WDR33: variants seen among roughly 807,000 people sequenced by gnomAD.
WDR33 encodes WD repeat domain 33, also known as pre-mRNA 3' end processing protein WDR33.
A neutral mutation model predicts 164.9 loss-of-function variants in WDR33; 47 were observed. The ratio of observed to expected loss-of-function variants is 0.29; its 90% confidence interval spans 0.23 to 0.36. The LOEUF (loss-of-function observed/expected upper bound fraction) is 0.36, where lower values mean the gene tolerates loss of function less well. Ranked by LOEUF, WDR33 falls within the 10% of genes least tolerant of loss-of-function variation. The probability of loss-of-function intolerance (pLI) is 1.00; values close to 1 mark genes in which losing one functional copy is unlikely to be tolerated. For missense variants in WDR33, 1,137 were observed against 1,754.1 expected (o/e 0.65, Z 6.28); for synonymous variants, 505 against 589.0 (o/e 0.86, Z 2.06).
At chr2:127,711,979 G>A (rs1481586854) in intron 18 of WDR33, among the ~76,000 whole-genome samples, 16 of 149,552 alleles carry the variant, frequency 1.1e-4, no homozygotes, top group Admixed American at 2.0e-4. Flanking sequence ...TCACCATGTT[G>A]GCCAGGCTGG....
intron 1 of WDR33, among the ~76,000 whole-genome samples, chr2:127,808,886 C>T (rs1374210872): frequency 2.0e-5 from 3 of 151,922 alleles, no homozygotes; most frequent in African/African-American, 7.3e-5. Flanking sequence ...AAAAATTAGC[C>T]GGACGCGGTG....
intron 1 of WDR33, among the ~76,000 whole-genome samples, chr2:127,799,426 T>C (rs1201505840): frequency 6.6e-6 from 1 of 152,114 alleles, no homozygotes; most frequent in African/African-American, 2.4e-5. Flanking sequence ...CACGAAGAAC[T>C]CTTAAAACTC....
At chr2:127,759,015 T>C (rs1388878985) in intron 7 of WDR33, among the ~76,000 whole-genome samples, 1 of 152,216 alleles carries the variant, frequency 6.6e-6, no homozygotes, top group Non-Finnish European at 1.5e-5. Flanking sequence ...TTCTCGTGTG[T>C]ACAATGTTAT....
intron 7 of WDR33, among the ~76,000 whole-genome samples, chr2:127,739,458 A>G (rs1395048781): frequency 6.6e-6 from 1 of 152,254 alleles, no homozygotes; most frequent in Non-Finnish European, 1.5e-5. Flanking sequence ...ATGTAATTCA[A>G]ATAGGTTCAG....
intron 7 of WDR33, 137 bp downstream of exon 7, chr2:127,762,925 T>C (rs1687720456): frequency 6.9e-7 from 1 of 1,441,304 alleles, no homozygotes; most frequent in Non-Finnish European, 9.1e-7. Context: ...GCTGGGTTTT[T>C]TTGAAGAGCC....
In WDR33 at chr2:127,709,449, C is replaced by T. The variant is rs781000228; in HGVS notation, c.3565+41G>A. The T allele has an allele frequency of 1.9e-6, 3 of 1,594,514 alleles. No individual in the cohort carries two copies. Among genetic ancestry groups the T allele is most frequent in the Non-Finnish European group, 2.6e-6 (3 of 1,163,026 alleles). On this transcript the variant is annotated intron_variant, in intron 20 of 21. Coordinates refer to ENST00000322313, the MANE Select transcript of WDR33 (RefSeq NM_018383.5). The surrounding 1 kb of genome is among the most constrained non-coding windows in gnomAD (Gnocchi z 5.0). ...GGGCCCTCAGAACTCACTTTGTGAACTGCAGTCTAGAGTTACCCAACAAGC... is the reference window on the plus strand; with the variant it reads ...GGGCCCTCAGAACTCACTTTGTGAATTGCAGTCTAGAGTTACCCAACAAGC...
intron 1 of WDR33, among the ~76,000 whole-genome samples, chr2:127,796,040 T>C (rs1177554955): frequency 6.6e-6 from 1 of 151,502 alleles, no homozygotes; most frequent in Non-Finnish European, 1.5e-5. Flanking sequence ...ATTAGGTAAA[T>C]AGAACAGGTA....
chr2:127,809,900 G>A (rs189735172), intron 1 of WDR33, among the ~76,000 whole-genome samples: 91 of 152,102 alleles, frequency 6.0e-4, no homozygotes, highest in African/African-American at 2.1e-3. Flanking sequence ...GACAAAAAAA[G>A]CAAAAGTATC....
intron 1 of WDR33, among the ~76,000 whole-genome samples, chr2:127,793,544 C>T (rs545734050): frequency 9.2e-5 from 14 of 151,660 alleles, no homozygotes; most frequent in Admixed American, 2.6e-4. Context: ...AGTTCAAGAC[C>T]ACCCTGAGCA....
chr2:127,754,583 ATTTTTTT>A (rs764744041), intron 7 of WDR33, among the ~76,000 whole-genome samples: 1 of 118,964 alleles, frequency 8.4e-6, no homozygotes, highest in Admixed American at 8.7e-5. Flanking sequence ...CATGTTTTTC[ATTTTTTT>A]TTTTTTTTTT....
At chr2:127,762,730 CCA>C in intron 7 of WDR33, 1 of 1,059,638 alleles carries the variant, frequency 9.4e-7, no homozygotes, top group South Asian at 3.2e-5. Flanking sequence ...CTAAATCAAA[CCA>C]CAGTGTCAAT....
rs1043042076 is a variant in WDR33, at chr2:127,736,046, T to C, written c.725-9269A>G. The C allele has an allele frequency of 4.1e-6, 4 of 985,316 alleles. No individual in the cohort carries two copies. The African/African-American group carries it at 7.0e-5, about 17-fold the overall frequency. 61.0% of individuals were successfully genotyped at this position (985,316 alleles called of 1,614,324 possible). On this transcript the variant is annotated intron_variant, in intron 7 of 21. Coordinates refer to ENST00000322313, the MANE Select transcript of WDR33 (RefSeq NM_018383.5). Reference sequence around the variant, plus strand: ...TGGGTGAAGGGGTCCGGCAGTCAGGTAAGTTGAGCAATGCTGAATTTTAAA... The same window carrying C: ...TGGGTGAAGGGGTCCGGCAGTCAGGCAAGTTGAGCAATGCTGAATTTTAAA...
chr2:127,807,450 A>T (rs192468636), intron 1 of WDR33, among the ~76,000 whole-genome samples: 120 of 152,334 alleles, frequency 7.9e-4, no homozygotes, highest in African/African-American at 2.7e-3. Context: ...ACAGTTTTGC[A>T]CGTATCATCC....
rs776348496 is a variant in WDR33, at chr2:127,720,238, T to C, written c.1787A>G (p.Gln596Arg). The change falls in exon 16 of 22, where the codon CAG becomes CGG. Residue 596 changes from glutamine to arginine, a missense_variant. Gln to Arg is a conservative substitution (Grantham distance 43). Around this residue, in one of 9 missense-constraint regions of WDR33, gnomAD observed 867 missense variants for 1,073.0 expected, o/e 0.81. Coordinates refer to ENST00000322313, the MANE Select transcript of WDR33 (RefSeq NM_018383.5). This position sits in a 1 kb window ranked among gnomAD's most constrained non-coding sequence, Gnocchi z 5.9. ...QPFPGQGPMS[Q>R]IPQGFQQPHP... ...GGGCTGTTGAAAACCTTGAGGAATC[T>C]GAGACATTGGACCTTGTCCTGGAAA... is the stretch of plus-strand genomic sequence containing the variant. 6.3e-7 allele frequency: 1 copy of C among 1,590,190 alleles called. No homozygotes were observed. The highest frequency in any genetic ancestry group is 1.8e-5 in the Admixed American group (1 of 56,822).
chr2:127,792,931 T>C (rs1200589057), intron 1 of WDR33, among the ~76,000 whole-genome samples: 1 of 152,064 alleles, frequency 6.6e-6, no homozygotes, highest in African/African-American at 2.4e-5. Flanking sequence ...AGGCCAGTGG[T>C]ATACTATAAA....
At chr2:127,805,556 A>G (rs76384756) in intron 1 of WDR33, among the ~76,000 whole-genome samples, 3 of 152,146 alleles carry the variant, frequency 2.0e-5, no homozygotes, top group African/African-American at 7.2e-5. Flanking sequence ...CGTTCTTTAA[A>G]AAGATGAGGC....
intron 7 of WDR33, among the ~76,000 whole-genome samples, chr2:127,730,716 T>G (rs2105390574): frequency 6.6e-6 from 1 of 152,302 alleles, no homozygotes; most frequent in Middle Eastern, 3.4e-3. Context: ...ATTTTGTACA[T>G]TTTATACTTG....
Position 127,701,969 on chromosome 2 carries a change from G to GCT in WDR33, c.*4352_*4353dup, listed in dbSNP as rs1468051980. The GCT allele has an allele frequency of 1.2e-5, 16 of 1,379,278 alleles. No individual in the cohort carries two copies. Among genetic ancestry groups the GCT allele is most frequent in the Non-Finnish European group, 1.4e-5 (15 of 1,072,028 alleles). The allele number at this position is 1,379,278 out of a possible 1,614,324, so 85.4% of individuals were successfully genotyped here. On this transcript the variant is annotated 3_prime_UTR_variant, in exon 22 of 22. Coordinates refer to ENST00000322313, the MANE Select transcript of WDR33 (RefSeq NM_018383.5). ...AAGAAGCGCCGTCCCGGCCCGCGCT[G>GCT]CTCTACATGGCAGCGCTGGGCGCCA...
At position 127,719,504 on chromosome 2, in the gene WDR33, G is replaced by C. The variant is rs1188167690; in HGVS notation, c.2521C>G (p.Pro841Ala). The C allele has an allele frequency of 2.5e-6, 4 of 1,612,650 alleles. No homozygotes were observed. In the South Asian group the frequency reaches 4.4e-5, roughly 18 times the overall value. The change falls in exon 16 of 22, where the codon CCC (proline) becomes GCC (alanine). Residue 841 changes from proline (P) to alanine (A), a missense_variant. Pro to Ala is a conservative substitution (Grantham distance 27, BLOSUM62 -1). Around this residue, in one of 9 missense-constraint regions of WDR33, gnomAD observed 867 missense variants for 1,073.0 expected, o/e 0.81. Transcript: ENST00000322313. The surrounding 1 kb of genome is among the most constrained non-coding windows in gnomAD (Gnocchi z 6.5). ...QEIRGMQGPP[P>A]QGSMLGPPQE... The stretch of plus-strand genomic sequence containing the variant: ...GGAGGTCCCAGCATTGATCCTTGGG[G>C]TGGAGGCCCCTGCATGCCTCGGATC...
Sources: allele counts gnomAD v4.1 joint callset (sites outside exome capture counted in the v4.1 genomes callset), GRCh38; gene constraint gnomAD v4.1.1; regional missense constraint gnomAD v4.1.1; non-coding constraint Gnocchi (gnomAD v3.1); transcripts MANE v1.5; gene names NCBI Gene and HGNC (gene_info 2026-07-23, HGNC 2026-07-21).